DCAF8L2: variants seen among roughly 807,000 people sequenced by gnomAD.
The protein encoded by DCAF8L2 is DDB1 and CUL4 associated factor 8 like 2, also known as DDB1- and CUL4-associated factor 8-like protein 2.
For missense variants in DCAF8L2, 430 were observed against 490.7 expected (o/e 0.88, Z 1.17); for synonymous variants, 200 against 190.9 (o/e 1.05, Z -0.39).
chrX:27,533,131 G>A, the DCAF8L2 span, among the ~76,000 whole-genome samples: 56 of 72,276 alleles, frequency 7.7e-4, 1 homozygote, highest in African/African-American at 3.0e-3. Flanking sequence ...GGAAAGGAAG[G>A]AAGGAAGGAA....
At chrX:27,746,802 C>A (rs914407155) in intron 4 of DCAF8L2, 36 bp from the exon 5 acceptor site, 10 of 824,971 alleles carry the variant, frequency 1.2e-5, no homozygotes, top group African/African-American at 4.2e-5. Flanking sequence ...TCCTTCACTA[C>A]CATCAGTCCT....
At chrX:27,633,620 CAT>C (rs1186062553) in intron 2 of DCAF8L2, 2 of 111,656 alleles carry the variant, frequency 1.8e-5, no homozygotes, top group Non-Finnish European at 3.8e-5. Context: ...CCAGGGCAGA[CAT>C]AATATTCTCA....
the DCAF8L2 span, among the ~76,000 whole-genome samples, chrX:27,548,280 A>G: frequency 9.0e-6 from 1 of 111,400 alleles, no homozygotes; most frequent in Non-Finnish European, 1.9e-5. Flanking sequence ...GGGTCTACCA[A>G]TGATTGTAAT....
At chrX:27,617,027 A>G (rs1422528276) in intron 1 of DCAF8L2, among the ~76,000 whole-genome samples, 1 of 111,501 alleles carries the variant, frequency 9.0e-6, no homozygotes, top group Non-Finnish European at 1.9e-5. Flanking sequence ...AATACATAAA[A>G]AGCAACAAAT....
chrX:27,642,277 C>T (rs1399247367), intron 2 of DCAF8L2, among the ~76,000 whole-genome samples: 2 of 111,233 alleles, frequency 1.8e-5, no homozygotes. Flanking sequence ...CTTTCTTATG[C>T]AGGACCACAT....
chrX:27,620,652 A>T (rs781056598), intron 1 of DCAF8L2, among the ~76,000 whole-genome samples: 1 of 112,250 alleles, frequency 8.9e-6, no homozygotes, highest in Non-Finnish European at 1.9e-5. Flanking sequence ...GCTACTATAA[A>T]ACAACAACAA....
chrX:27,587,975 T>TAAAAAAAA (rs531576238), upstream of DCAF8L2, among the ~76,000 whole-genome samples: 8 of 25,507 alleles, frequency 3.1e-4, no homozygotes, highest in African/African-American at 8.9e-4. Flanking sequence ...GTACTTCCAT[T>TAAAAAAAA]AAAAAAAAAA....
chrX:27,502,329 A>AT, the DCAF8L2 span, among the ~76,000 whole-genome samples: 4 of 32,109 alleles, frequency 1.2e-4, no homozygotes, highest in African/African-American at 5.2e-4. Context: ...AAAAAAAAAA[A>AT]AAAAAAATAT....
intron 3 of DCAF8L2, among the ~76,000 whole-genome samples, chrX:27,687,671 T>C (rs977535406): frequency 9.0e-6 from 1 of 110,961 alleles, no homozygotes; most frequent in Non-Finnish European, 1.9e-5. Context: ...CTGGGAAACA[T>C]AGGAAGATCC....
At chrX:27,526,689 A>G in the DCAF8L2 span, among the ~76,000 whole-genome samples, 1 of 112,099 alleles carries the variant, frequency 8.9e-6, no homozygotes, top group Non-Finnish European at 1.9e-5. Flanking sequence ...ATGGTGATGT[A>G]CAGATGTGGT....
At chrX:27,594,653 CTGTTAA>C (rs1926267200) in intron 1 of DCAF8L2, among the ~76,000 whole-genome samples, 1 of 111,527 alleles carries the variant, frequency 9.0e-6, no homozygotes, top group South Asian at 3.7e-4. Flanking sequence ...GTACCAGTTA[CTGTTAA>C]TATTTGCTAA....
At chrX:27,523,028 A>G in the DCAF8L2 span, among the ~76,000 whole-genome samples, 2 of 112,273 alleles carry the variant, frequency 1.8e-5, no homozygotes, top group Non-Finnish European at 3.8e-5. Flanking sequence ...AAAATTTCAA[A>G]GAAAAATAGG....
At chrX:27,567,417 A>T in the DCAF8L2 span, among the ~76,000 whole-genome samples, 2 of 105,636 alleles carry the variant, frequency 1.9e-5, no homozygotes, top group Non-Finnish European at 3.9e-5. Flanking sequence ...GATGTTGGGT[A>T]GGTATATATT....
At chrX:27,519,535 G>A in the DCAF8L2 span, 1 of 795,939 alleles carries the variant, frequency 1.3e-6, no homozygotes, top group Non-Finnish European at 1.9e-6. Flanking sequence ...GACCAAAGAA[G>A]AGTTAAAAAC....
At chrX:27,675,947 A>G (rs763094555) in intron 2 of DCAF8L2, among the ~76,000 whole-genome samples, 1 of 112,302 alleles carries the variant, frequency 8.9e-6, no homozygotes, top group Non-Finnish European at 1.9e-5. Flanking sequence ...ACTTGCAAAG[A>G]TCTCTGGCTA....
At chrX:27,623,191 C>A in intron 1 of DCAF8L2, among the ~76,000 whole-genome samples, 1 of 111,026 alleles carries the variant, frequency 9.0e-6, no homozygotes, top group Non-Finnish European at 1.9e-5. Flanking sequence ...GGTTTGGTCA[C>A]AGTAAGAAGA....
the DCAF8L2 span, among the ~76,000 whole-genome samples, chrX:27,533,345 G>A: frequency 7.3e-5 from 8 of 109,876 alleles, no homozygotes; most frequent in Non-Finnish European, 1.5e-4. Flanking sequence ...GTTCAAGGCC[G>A]CAGTGAGCTA....
the DCAF8L2 span, among the ~76,000 whole-genome samples, chrX:27,582,102 A>G: frequency 9.0e-6 from 1 of 111,555 alleles, no homozygotes; most frequent in African/African-American, 3.3e-5. Flanking sequence ...ACTATGTTTC[A>G]GGCAATGACT....
intron 3 of DCAF8L2, among the ~76,000 whole-genome samples, chrX:27,714,741 TA>T (rs1328410089): frequency 1.8e-5 from 2 of 111,483 alleles, no homozygotes; most frequent in African/African-American, 6.5e-5. Flanking sequence ...CAGGTCTTTC[TA>T]GCCTCCCCAT....
Sources: allele counts gnomAD v4.1 joint callset (sites outside exome capture counted in the v4.1 genomes callset), GRCh38; gene constraint gnomAD v4.1.1; transcripts MANE v1.5; gene names NCBI Gene and HGNC (gene_info 2026-07-23, HGNC 2026-07-21).